The following NCOA1 variants were observed in gnomAD, a reference collection of about 807,000 sequenced individuals.
NCOA1 encodes nuclear receptor coactivator 1.
In NCOA1, 35 loss-of-function variants were observed where a neutral mutation model predicts 150.9. The observed-to-expected ratio is 0.23, with a 90% CI of 0.18 to 0.31. The LOEUF (loss-of-function observed/expected upper bound fraction) is 0.31. NCOA1 is among the 10% of genes least tolerant of loss of function. The pLI, the probability that NCOA1 is intolerant of heterozygous loss-of-function variation, is 1.00. For synonymous variants in NCOA1, 590 were observed against 630.0 expected, an observed-to-expected ratio of 0.94 and a Z score of 0.95; for missense variants, 1,491 against 1,749.3, an observed-to-expected ratio of 0.85 and a Z score of 2.63.
chr2:24,529,064 A>G (rs1019967031), intron 1 of NCOA1, among the ~76,000 whole-genome samples: 4 of 151,766 alleles, frequency 2.6e-5, no homozygotes, highest in Non-Finnish European at 5.9e-5. Context: ...TTTTTTGTAT[A>G]TTTAGTAGAG....
At position 24,604,422 on chromosome 2, in the gene NCOA1, G is replaced by A. The variant is rs760652629; in HGVS notation, c.-175+19862G>A. On this transcript the variant is annotated intron_variant, in intron 3 of 22. Transcript: ENST00000348332. ...TGGCATCTTCTTCCAATAGAAGGCT[G>A]TTTCATCTACATTGAAATCTGCTGT... Among the ~76,000 whole-genome samples, 48 of 152,210 alleles carry A rather than the reference G, an allele frequency of 3.2e-4. 1 individual carries two copies. Among genetic ancestry groups the A allele is most frequent in the Admixed American group, 4.6e-4 (7 of 15,280 alleles).
At chr2:24,528,242 T>C (rs1033694629) in intron 1 of NCOA1, among the ~76,000 whole-genome samples, 5 of 152,134 alleles carry the variant, frequency 3.3e-5, no homozygotes, top group African/African-American at 1.2e-4. Flanking sequence ...CCAAGGCCAC[T>C]GTCAAGAAAC....
chr2:24,557,853 AT>A (rs555902458), intron 1 of NCOA1, among the ~76,000 whole-genome samples: 1 of 150,736 alleles, frequency 6.6e-6, no homozygotes, highest in Non-Finnish European at 1.5e-5. Flanking sequence ...TCTTTGTGAT[AT>A]TTTTTTCTCT....
At chr2:24,722,625 G>T (rs890834754) in intron 14 of NCOA1, among the ~76,000 whole-genome samples, 3 of 152,094 alleles carry the variant, frequency 2.0e-5, no homozygotes, top group Admixed American at 1.3e-4. Context: ...TGGAATAAGT[G>T]AATGACCGTG....
At chr2:24,619,709 T>C (rs1308278543) in intron 3 of NCOA1, among the ~76,000 whole-genome samples, 1 of 152,316 alleles carries the variant, frequency 6.6e-6, no homozygotes, top group East Asian at 1.9e-4. Context: ...GTTTTGATCC[T>C]TAGACTACCA....
intron 3 of NCOA1, among the ~76,000 whole-genome samples, chr2:24,641,314 A>G (rs1244319224): frequency 6.6e-6 from 1 of 151,288 alleles, no homozygotes; most frequent in Non-Finnish European, 1.5e-5. Context: ...ATATATTTTA[A>G]TATATTTTTG....
chr2:24,563,462 C>G (rs1264873260), intron 1 of NCOA1, among the ~76,000 whole-genome samples: 1 of 151,926 alleles, frequency 6.6e-6, no homozygotes, highest in Non-Finnish European at 1.5e-5. Context: ...AAAGCTTAAC[C>G]CTGGGTGGTA....
intron 3 of NCOA1, among the ~76,000 whole-genome samples, chr2:24,623,906 C>A (rs1342118936): frequency 6.6e-6 from 1 of 152,174 alleles, no homozygotes; most frequent in Non-Finnish European, 1.5e-5. Context: ...TACAGTCACA[C>A]TGGGGGTTAG....
At chr2:24,720,076 G>C (rs1674280506) in intron 14 of NCOA1, among the ~76,000 whole-genome samples, 1 of 152,184 alleles carries the variant, frequency 6.6e-6, no homozygotes, top group Admixed American at 6.5e-5. Flanking sequence ...GGTAGTAAGA[G>C]AGGTACATGT....
intron 8 of NCOA1, among the ~76,000 whole-genome samples, chr2:24,685,656 A>G (rs1173619755): frequency 2.6e-5 from 4 of 152,216 alleles, no homozygotes; most frequent in Admixed American, 6.5e-5. Context: ...CTTGAACAAG[A>G]CACTTGACCC....
intron 21 of NCOA1, 114 bp downstream of exon 21, chr2:24,758,270 C>G (rs1243333366): frequency 1.9e-6 from 2 of 1,054,930 alleles, no homozygotes; most frequent in East Asian, 5.5e-5. Flanking sequence ...TATTCTTTCC[C>G]ACTAACTTTT....
chr2:24,589,074 C>T (rs1249742432), intron 3 of NCOA1, among the ~76,000 whole-genome samples: 1 of 152,080 alleles, frequency 6.6e-6, no homozygotes, highest in African/African-American at 2.4e-5. Context: ...TATCTCTTTC[C>T]TCAGACGTGC....
chr2:24,522,273 C>T lies in NCOA1; in HGVS notation c.-396+30671C>T, dbSNP rs557004300. 3.3e-5 allele frequency among the ~76,000 whole-genome samples: 5 copies of T among 152,262 alleles called. No individual in the cohort carries two copies. The South Asian group carries it at 1.0e-3, about 32-fold the overall frequency. ...TTTTTATAGTGATGATCCAGTAACA[C>T]TACACCACTTCATCTAGTTGTGGTC... On this transcript the variant is annotated intron_variant, in intron 1 of 22. Coordinates refer to ENST00000348332, the MANE Select transcript of NCOA1 (RefSeq NM_003743.5).
At position 24,629,365 on chromosome 2, in the gene NCOA1, T is replaced by C. The variant is rs12473584; in HGVS notation, c.-174-14601T>C. ...AGATTTAGTAGTTGATATACAGACT[T>C]GTAAACACACAGTTTATAAAAGTTT... On this transcript the variant is annotated intron_variant, in intron 3 of 22. Transcript: ENST00000348332. 7.5e-3 allele frequency among the ~76,000 whole-genome samples: 1,142 copies of C among 152,200 alleles called. 8 individuals carry two copies. Among genetic ancestry groups the C allele is most frequent in the Non-Finnish European group, 0.013 (883 of 68,000 alleles).
rs757141724 is a variant in NCOA1, at chr2:24,707,736, G to T, written c.2266G>T (p.Asp756Tyr). The T allele has an allele frequency of 6.2e-7, 1 of 1,614,060 alleles. No homozygotes were observed. Among genetic ancestry groups the T allele is most frequent in the African/African-American group, 1.3e-5 (1 of 74,936 alleles). Residue 756 changes from aspartate to tyrosine, a missense_variant, in exon 13 of 23, where the codon GAT becomes TAT. By Grantham distance (160) the Asp-to-Tyr change is radical (BLOSUM62 -3). Around this residue, in one of 8 missense-constraint regions of NCOA1, gnomAD observed 703 missense variants for 717.7 expected, o/e 0.98. Coordinates refer to ENST00000348332, the MANE Select transcript of NCOA1 (RefSeq NM_003743.5). Reference sequence around the variant, plus strand: ...GCTCCTACGCTATCTTTTAGATAAAGATGAGAAAGATTTAAGATCAACTCC... The same window carrying T: ...GCTCCTACGCTATCTTTTAGATAAATATGAGAAAGATTTAAGATCAACTCC... ...HQLLRYLLDK[D>Y]EKDLRSTPNL...
chr2:24,734,191 A>AC (rs886205988), intron 17 of NCOA1, among the ~76,000 whole-genome samples: 10 of 150,372 alleles, frequency 6.7e-5, no homozygotes, highest in African/African-American at 2.5e-4. Context: ...AAAAAAAAAA[A>AC]AGAAGAAAAA....
At chr2:24,573,022 A>G (rs1204979980) in intron 2 of NCOA1, among the ~76,000 whole-genome samples, 4 of 152,180 alleles carry the variant, frequency 2.6e-5, no homozygotes, top group Non-Finnish European at 5.9e-5. Context: ...TCTGGAAACC[A>G]AAAGGTGATA....
chr2:24,745,157 C>CTT (rs201221705), intron 19 of NCOA1, among the ~76,000 whole-genome samples: 22 of 131,684 alleles, frequency 1.7e-4, no homozygotes, highest in African/African-American at 5.4e-4. Context: ...TTTCTTTTTT[C>CTT]TTTTTTTTTT....
At chr2:24,762,176 A>T (rs1664823461) in intron 21 of NCOA1, among the ~76,000 whole-genome samples, 1 of 152,226 alleles carries the variant, frequency 6.6e-6, no homozygotes, top group South Asian at 2.1e-4. Flanking sequence ...CACAGTAGGG[A>T]CTGCTGAACT....
Sources: gnomAD v4.1 joint callset for allele counts (sites outside exome capture counted in the v4.1 genomes callset) on GRCh38, gnomAD v4.1.1 for gene constraint, gnomAD v4.1.1 regional missense constraint, MANE v1.5 for transcripts, NCBI Gene and HGNC (gene_info 2026-07-23, HGNC 2026-07-21) for gene names.